The following SMYD4 variants were observed in gnomAD, a reference collection of about 807,000 sequenced individuals.
SMYD4 encodes the protein protein-lysine N-methyltransferase SMYD4.
A neutral mutation model predicts 72.8 loss-of-function variants in SMYD4; 68 were observed. The observed-to-expected ratio is 0.93, with a 90% CI of 0.77 to 1.14. The LOEUF is 1.14. SMYD4 is among the 50% of genes most tolerant of loss of function. The pLI is 0.00. For synonymous variants in SMYD4, 407 were observed against 388.6 expected (o/e 1.05, Z -0.56); for missense variants, 984 against 1,003.7 (o/e 0.98, Z 0.27).
intron 7 of SMYD4, among the ~76,000 whole-genome samples, chr17:1,784,952 ATTTAT>A (rs1597365451): frequency 8.4e-6 from 1 of 119,050 alleles, no homozygotes; most frequent in East Asian, 2.6e-4. Context: ...TGTGTGTGTT[ATTTAT>A]TTTTTTTTTT....
At chr17:1,826,518 A>AAAAAAAAAAAAAAAAAAAAAAAAAG (rs1259676707) in intron 2 of SMYD4, among the ~76,000 whole-genome samples, 1 of 136,978 alleles carries the variant, frequency 7.3e-6, no homozygotes, top group African/African-American at 2.6e-5. Context: ...AAAAAAAAAA[A>AAAAAAAAAAAAAAAAAAAAAAAAAG]GAAAAGAAAA....
rs1201430380 is a variant in SMYD4, at chr17:1,781,274, C to G, written c.*12G>C. On this transcript the variant is annotated 3_prime_UTR_variant, in exon 11 of 11. Coordinates refer to ENST00000305513, the MANE Select transcript of SMYD4 (RefSeq NM_052928.3). The stretch of plus-strand genomic sequence containing the variant: ...GGGCTCCTTTTCTGTGGGTCAAAAT[C>G]CTCCTGGAACCCTACAATGCAGGCC... The G allele has an allele frequency of 6.2e-7, 1 of 1,604,868 alleles. No individual in the cohort carries two copies. The highest frequency in any genetic ancestry group is 8.5e-7 in the Non-Finnish European group (1 of 1,177,668).
chr17:1,796,560 C>T (rs754005085), intron 5 of SMYD4, among the ~76,000 whole-genome samples: 1 of 151,852 alleles, frequency 6.6e-6, no homozygotes, highest in Non-Finnish European at 1.5e-5. Context: ...CCTCAGCCTC[C>T]CAGGTAGCTA....
intron 10 of SMYD4, 180 bp from the exon 11 acceptor site, chr17:1,781,619 GT>G: frequency 1.9e-6 from 1 of 530,140 alleles, no homozygotes; most frequent in Non-Finnish European, 3.1e-6. Context: ...TGAGAAAACA[GT>G]TATAAAAGAT....
intron 2 of SMYD4, among the ~76,000 whole-genome samples, chr17:1,812,944 A>ATCTTTTTTTTTTTTT (rs34141085): frequency 6.8e-6 from 1 of 148,058 alleles, no homozygotes. Context: ...ATCATAAAAG[A>ATCTTTTTTTTTTTTT]TTTTTTTTTT....
intron 10 of SMYD4, chr17:1,782,767 C>CT (rs35909616): frequency 0.25 from 43,516 of 171,032 alleles, 6,437 homozygotes; most frequent in Non-Finnish European, 0.29. Flanking sequence ...GGAGGAAATT[C>CT]TTTTTTTTTT....
In SMYD4 at chr17:1,800,760, G is replaced by A; in HGVS notation, c.634C>T (p.Leu212=). The A allele has an allele frequency of 6.2e-7, 1 of 1,614,232 alleles. No individual in the cohort carries two copies. The highest frequency in any genetic ancestry group is 1.1e-5 in the South Asian group (1 of 91,086). The change falls in exon 5 of 11, where the codon CTG becomes TTG. Residue 212 remains leucine (L), a synonymous_variant. Coordinates refer to ENST00000305513, the MANE Select transcript of SMYD4 (RefSeq NM_052928.3). ...DSLTESFPAA[L]AKTLEDAALR... ...GCTGCATCCTCAAGGGTTTTGGCCA[G>A]AGCTGCTGGGAAGCTTTCTGTGAGA...
At position 1,800,276 on chromosome 17, in the gene SMYD4, TTATC is replaced by T. The variant is rs771306350; in HGVS notation, c.1114_1117del (p.Asp372ArgfsTer23). The T allele has an allele frequency of 1.2e-6, 2 of 1,614,212 alleles. No individual in the cohort carries two copies. ...TAAACAGATGTCCTTGTTACTAATC[TTATC>T]ACAAAGCTTCGTTATGATTTTGCGA... On this transcript the variant is annotated frameshift_variant, in exon 5 of 11. Coordinates refer to ENST00000305513, the MANE Select transcript of SMYD4 (RefSeq NM_052928.3). LOFTEE classifies it high-confidence loss of function.
At chr17:1,783,875 G>A (rs545195283) in intron 8 of SMYD4, 9 of 300,162 alleles carry the variant, frequency 3.0e-5, no homozygotes, top group Non-Finnish European at 5.0e-5. Flanking sequence ...GGGGAGCTCC[G>A]CAAGTCTCAG....
chr17:1,804,561 G>A, intron 4 of SMYD4, 65 bp downstream of exon 4: 2 of 1,362,082 alleles, frequency 1.5e-6, no homozygotes, highest in Non-Finnish European at 2.1e-6. Context: ...AGAGATGAAG[G>A]TCTAGTCCTC....
intron 3 of SMYD4, among the ~76,000 whole-genome samples, chr17:1,805,948 G>C (rs1360655800): frequency 2.0e-5 from 3 of 148,792 alleles, no homozygotes; most frequent in Non-Finnish European, 4.5e-5. Context: ...TTTTGAGACG[G>C]AGTCTCGCTC....
At chr17:1,794,081 GTATA>G (rs1226883815) in intron 5 of SMYD4, among the ~76,000 whole-genome samples, 632 of 17,102 alleles carry the variant, frequency 0.037, 56 homozygotes, top group African/African-American at 0.11. Flanking sequence ...ATATATATGT[GTATA>G]TATATATATA....
At position 1,811,969 on chromosome 17, in the gene SMYD4, A is replaced by G. The variant is rs1281778010; in HGVS notation, c.279+2T>C. On this transcript the variant is annotated splice_donor_variant, in intron 3 of 10. Transcript: ENST00000305513. LOFTEE classifies it high-confidence loss of function. The stretch of plus-strand genomic sequence containing the variant: ...AAATTGCTTGAGCTGGGAGTGTTTT[A>G]CCTTAGAGTACAGCACTGCAGCTCC... 1 of 1,610,440 alleles carries G rather than the reference A, an allele frequency of 6.2e-7. No individual in the cohort carries two copies. The highest frequency in any genetic ancestry group is 8.5e-7 in the Non-Finnish European group (1 of 1,179,170).
At chr17:1,804,482 T>G in intron 4 of SMYD4, 144 bp downstream of exon 4, 2 of 704,578 alleles carry the variant, frequency 2.8e-6, no homozygotes, top group Non-Finnish European at 4.7e-6. Flanking sequence ...CGACTTTAGG[T>G]AGATATTAAT....
At chr17:1,807,237 G>C (rs192562740) in intron 3 of SMYD4, among the ~76,000 whole-genome samples, 1 of 151,892 alleles carries the variant, frequency 6.6e-6, no homozygotes, top group Non-Finnish European at 1.5e-5. Context: ...GCAAAAGACA[G>C]GAAACAAGCA....
chr17:1,790,566 G>C lies in SMYD4; in HGVS notation c.1538-2962C>G, dbSNP rs140484356. On this transcript the variant is annotated intron_variant, in intron 5 of 10. Coordinates refer to ENST00000305513, the MANE Select transcript of SMYD4 (RefSeq NM_052928.3). ...TAGTCTCACTCTGTCGCCTAGGCTGGAATGCAGTGGCATGATCTCATCTCA... is the reference window on the plus strand; with the variant it reads ...TAGTCTCACTCTGTCGCCTAGGCTGCAATGCAGTGGCATGATCTCATCTCA... Among the ~76,000 whole-genome samples, 741 of 152,060 alleles carry C rather than the reference G, an allele frequency of 4.9e-3. 3 individuals carry two copies. The highest frequency in any genetic ancestry group is 0.016 in the African/African-American group (655 of 41,498).
intron 2 of SMYD4, among the ~76,000 whole-genome samples, chr17:1,822,798 C>T (rs1475721822): frequency 6.6e-6 from 1 of 152,070 alleles, no homozygotes; most frequent in African/African-American, 2.4e-5. Flanking sequence ...TTTATTTACA[C>T]CACCAATCAC....
intron 1 of SMYD4, among the ~76,000 whole-genome samples, chr17:1,828,982 C>T (rs1911367686): frequency 1.3e-5 from 2 of 151,728 alleles, no homozygotes; most frequent in South Asian, 2.1e-4. Flanking sequence ...AAGGTATTTC[C>T]CTCTCTTACA....
intron 2 of SMYD4, among the ~76,000 whole-genome samples, chr17:1,813,986 A>C (rs1477936644): frequency 7.9e-5 from 12 of 152,162 alleles, no homozygotes; most frequent in Non-Finnish European, 1.6e-4. Flanking sequence ...AAATTATCTT[A>C]AGTAACTCTT....
Sources: allele counts gnomAD v4.1 joint callset (sites outside exome capture counted in the v4.1 genomes callset), GRCh38; gene constraint gnomAD v4.1.1; transcripts MANE v1.5; gene names NCBI Gene and HGNC (gene_info 2026-07-23, HGNC 2026-07-21).